Variants in POLR2F observed in about 807,000 individuals in gnomAD.
POLR2F encodes RNA polymerase II, I and III subunit F, also known as DNA-directed RNA polymerases I, II, and III subunit RPABC2.
Under a neutral mutation model 22.7 loss-of-function variants are expected in POLR2F, and 12 were observed. That is an observed-to-expected ratio of 0.53 (90% CI 0.34 to 0.86). The LOEUF (loss-of-function observed/expected upper bound fraction) is 0.86. POLR2F is among the 40% of genes least tolerant of loss of function. The probability of loss-of-function intolerance (pLI) is 0.02; values close to 1 mark genes in which losing one functional copy is unlikely to be tolerated. For synonymous variants in POLR2F, 57 were observed against 66.0 expected, an observed-to-expected ratio of 0.86 and a Z score of 0.66; for missense variants, 126 against 171.5, an observed-to-expected ratio of 0.73 and a Z score of 1.48.
downstream of POLR2F, among the ~76,000 whole-genome samples, chr22:38,030,513 G>C (rs1216427940): frequency 6.6e-6 from 1 of 152,158 alleles, no homozygotes; most frequent in Non-Finnish European, 1.5e-5. Flanking sequence ...GTTATAAACT[G>C]TATTTGCCCA....
At chr22:38,021,812 A>C (rs909925594) in intron 1 of POLR2F, among the ~76,000 whole-genome samples, 1 of 151,826 alleles carries the variant, frequency 6.6e-6, no homozygotes, top group African/African-American at 2.4e-5. Flanking sequence ...GAGTCCCAGA[A>C]TATGGACAGA....
intron 1 of POLR2F, among the ~76,000 whole-genome samples, chr22:38,020,624 C>G (rs1160935863): frequency 2.6e-5 from 4 of 151,818 alleles, no homozygotes; most frequent in Non-Finnish European, 1.5e-5. Flanking sequence ...CACCTGTAGT[C>G]CCAGCTACTT....
chr22:37,978,125 C>T lies in POLR2F; in HGVS notation c.293+10955C>T, dbSNP rs1428993903. 4 of 1,568,644 alleles carry T rather than the reference C, an allele frequency of 2.5e-6. No homozygotes were observed. Among genetic ancestry groups the T allele is most frequent in the African/African-American group, 1.3e-5 (1 of 74,364 alleles). On this transcript the variant is annotated intron_variant, in intron 4 of 4. Coordinates refer to the POLR2F transcript ENST00000405557. The surrounding 1 kb of genome is among the most constrained non-coding windows in gnomAD (Gnocchi z 5.0). ...TCGATGAAGGGGCGCTTGTCACTTT[C>T]GTTCAGCAGCCTGGGGTGTGGTGGG...
intron 1 of POLR2F, among the ~76,000 whole-genome samples, chr22:37,954,370 T>A (rs1265440552): frequency 6.6e-6 from 1 of 151,934 alleles, no homozygotes; most frequent in Non-Finnish European, 1.5e-5. Context: ...TGGCGCGATC[T>A]CGGCTCACTG....
At chr22:37,962,088 G>C (rs1931665656) in intron 3 of POLR2F, among the ~76,000 whole-genome samples, 1 of 152,108 alleles carries the variant, frequency 6.6e-6, no homozygotes. Flanking sequence ...AAAATTAGCT[G>C]AGTGTGGTGG....
downstream of POLR2F, chr22:37,974,124 G>A (rs371580444): frequency 5.6e-6 from 9 of 1,612,594 alleles, no homozygotes; most frequent in East Asian, 4.5e-5. This position sits in a 1 kb window ranked among gnomAD's most constrained non-coding sequence, Gnocchi z 5.4. Context: ...CGCCCGTCCC[G>A]CTTCGGGTCT....
downstream of POLR2F, chr22:37,973,225 A>C: frequency 2.2e-5 from 9 of 410,180 alleles, no homozygotes; most frequent in East Asian, 3.7e-5. Context: ...TCCTGGGGGA[A>C]GGTGCAGCCC....
exon 2 of POLR2F, chr22:38,025,888 C>G: frequency 1.2e-6 from 1 of 844,908 alleles, no homozygotes; most frequent in East Asian, 2.7e-5. Context: ...CGTCTCTTCT[C>G]CCTCCTGTCT....
chr22:38,014,863 A>G (rs372224772), intron 1 of POLR2F, among the ~76,000 whole-genome samples: 3 of 138,658 alleles, frequency 2.2e-5, no homozygotes, highest in African/African-American at 8.3e-5. Context: ...GCTGGAGTGC[A>G]GTGGCGCGAT....
intron 1 of POLR2F, among the ~76,000 whole-genome samples, chr22:38,010,372 C>CAA (rs149542224): frequency 7.4e-6 from 1 of 135,694 alleles, no homozygotes; most frequent in African/African-American, 2.7e-5. Context: ...AAGGCCTTGT[C>CAA]AAAAAAAAAA....
chr22:38,019,500 G>A (rs113355222), intron 1 of POLR2F, among the ~76,000 whole-genome samples: 7 of 152,240 alleles, frequency 4.6e-5, no homozygotes, highest in South Asian at 2.1e-4. Context: ...TCATGACCCC[G>A]TGGATCACAC....
chr22:37,996,055 T>C (rs2084710810), intron 1 of POLR2F, among the ~76,000 whole-genome samples: 1 of 151,724 alleles, frequency 6.6e-6, no homozygotes, highest in African/African-American at 2.4e-5. Flanking sequence ...GTCCAGGGCC[T>C]CTCACTGATG....
rs2145816190 is a variant in POLR2F at position 38,016,977 on chromosome 22, G to T, written c.121-8892G>T. 6.6e-6 allele frequency among the ~76,000 whole-genome samples: 1 copy of T among 152,272 alleles called. No homozygotes were observed. Among genetic ancestry groups the T allele is most frequent in the East Asian group, 1.9e-4 (1 of 5,162 alleles). On this transcript the variant is annotated intron_variant, in intron 1 of 2. Coordinates refer to the POLR2F transcript ENST00000333418. The surrounding 1 kb of genome is among the most constrained non-coding windows in gnomAD (Gnocchi z 4.4). ...GGGAGAGATGGAGCCAGGCCGGGGT[G>T]CCGGGGGGCAGCGCAAGGGGCCAGC...
Position 37,986,699 on chromosome 22 carries a change from C to T in POLR2F, c.120+387C>T. On this transcript the variant is annotated intron_variant, in intron 1 of 2. Coordinates refer to the POLR2F transcript ENST00000333418. This position sits in a 1 kb window ranked among gnomAD's most constrained non-coding sequence, Gnocchi z 4.7. ...GCAGTGTTGGGTGAGGCAGGTGGGCCTGCAGGGCGGGTGGGAAGGGCTGTC... is the reference window on the plus strand; with the variant it reads ...GCAGTGTTGGGTGAGGCAGGTGGGCTTGCAGGGCGGGTGGGAAGGGCTGTC... The T allele has an allele frequency of 1.9e-6, 1 of 514,614 alleles. No homozygotes were observed. The allele number at this position is 514,614 out of a possible 1,614,324, so 31.9% of individuals were successfully genotyped here.
chr22:38,000,170 T>A (rs1004633262), intron 1 of POLR2F, among the ~76,000 whole-genome samples: 1 of 152,236 alleles, frequency 6.6e-6, no homozygotes, highest in Non-Finnish European at 1.5e-5. Context: ...GTGCAGCCAC[T>A]GGCCTCGGTT....
chr22:37,957,232 T>C (rs1432955458), intron 2 of POLR2F, among the ~76,000 whole-genome samples: 1 of 152,110 alleles, frequency 6.6e-6, no homozygotes, highest in Non-Finnish European at 1.5e-5. Context: ...CTAAAGGCAA[T>C]GGGAAGCTAC....
At chr22:38,006,834 G>C (rs1423804946) in intron 1 of POLR2F, among the ~76,000 whole-genome samples, 1 of 152,184 alleles carries the variant, frequency 6.6e-6, no homozygotes, top group African/African-American at 2.4e-5. Context: ...CATCTGCATG[G>C]TGGGGATCCT....
chr22:38,023,358 T>A (rs2084977462), intron 1 of POLR2F, among the ~76,000 whole-genome samples: 1 of 152,162 alleles, frequency 6.6e-6, no homozygotes. Flanking sequence ...ATCAACAGGC[T>A]ACAAGGCCTG....
At chr22:37,983,431 C>T (rs960209416), upstream of POLR2F, 6 of 1,611,612 alleles carry the variant, frequency 3.7e-6, no homozygotes, top group African/African-American at 5.3e-5. This position sits in a 1 kb window ranked among gnomAD's most constrained non-coding sequence, Gnocchi z 9.5. Flanking sequence ...GCTTCCTGCG[C>T]GCTGCCTGAG....
Sources: allele counts gnomAD v4.1 joint callset (sites outside exome capture counted in the v4.1 genomes callset), GRCh38; gene constraint gnomAD v4.1.1; non-coding constraint Gnocchi (gnomAD v3.1); transcripts MANE v1.5; gene names NCBI Gene and HGNC (gene_info 2026-07-23, HGNC 2026-07-21).